TTC12: variants seen among roughly 807,000 people sequenced by gnomAD.
The protein encoded by TTC12 is tetratricopeptide repeat domain 12.
TTC12 carries 70 observed loss-of-function variants against 90.1 expected under a neutral mutation model. The observed-to-expected ratio is 0.78, with a 90% CI of 0.64 to 0.95. TTC12 has a LOEUF of 0.95. TTC12 is among the 40% of genes least tolerant of loss of function. The pLI is 0.00. For missense variants in TTC12, 819 were observed against 846.1 expected (o/e 0.97, Z 0.40); for synonymous variants, 296 against 311.5 (o/e 0.95, Z 0.53).
downstream of TTC12, among the ~76,000 whole-genome samples, chr11:113,366,886 G>A (rs964698988): frequency 1.2e-4 from 19 of 152,164 alleles, no homozygotes; most frequent in African/African-American, 4.1e-4. Flanking sequence ...TCATTCCTGG[G>A]GGTCCCTCTG....
intron 18 of TTC12, among the ~76,000 whole-genome samples, chr11:113,360,747 G>C (rs1461623989): frequency 1.3e-5 from 2 of 152,196 alleles, no homozygotes; most frequent in Non-Finnish European, 2.9e-5. Context: ...AGCCTTTCAA[G>C]GGTTGCAGAC....
intron 12 of TTC12, among the ~76,000 whole-genome samples, chr11:113,343,971 A>G (rs1408770376): frequency 6.6e-6 from 1 of 152,202 alleles, no homozygotes; most frequent in African/African-American, 2.4e-5. Flanking sequence ...TATGGGTGCC[A>G]GTCCCTGTCT....
At chr11:113,373,155 A>G in exon 22 of TTC12, 2 of 984,376 alleles carry the variant, frequency 2.0e-6, no homozygotes, top group Non-Finnish European at 2.4e-6. Context: ...GCAGTTAAGC[A>G]ACTGGTCCAA....
chr11:113,338,741 A>T, intron 8 of TTC12, 33 bp from the exon 9 acceptor site: 6 of 1,575,504 alleles, frequency 3.8e-6, no homozygotes, highest in Non-Finnish European at 4.4e-6. Flanking sequence ...CTTTACCCCA[A>T]CCACTCTTCA....
At chr11:113,331,163 G>C (rs1555142464) in intron 7 of TTC12, among the ~76,000 whole-genome samples, 1 of 152,162 alleles carries the variant, frequency 6.6e-6, no homozygotes, top group Non-Finnish European at 1.5e-5. Flanking sequence ...GATAAAATGT[G>C]TGGCAAATTT....
rs1454115704 is a variant in TTC12 at position 113,359,390 on chromosome 11, T to C, written c.1474T>C (p.Phe492Leu). 16 of 1,612,632 alleles carry C rather than the reference T, an allele frequency of 9.9e-6. No homozygotes were observed. Among genetic ancestry groups the C allele is most frequent in the Non-Finnish European group, 1.4e-5 (16 of 1,178,912 alleles). Reference sequence around the variant, plus strand: ...CAGGTGTGAGGAGGATGTGGACCTGTTCAGAGAGGTTATCTACACACTCCT... The same window carrying C: ...CAGGTGTGAGGAGGATGTGGACCTGCTCAGAGAGGTTATCTACACACTCCT... Reference protein sequence around the residue: ...LARCEEDVDLFREVIYTLLGL... With the variant: ...LARCEEDVDLLREVIYTLLGL... The change falls in exon 17 of 22, where the codon TTC (phenylalanine) becomes CTC (leucine). Residue 492 changes from phenylalanine to leucine, a missense_variant. Transcript: ENST00000529221.
chr11:113,363,743 C>A, intron 19 of TTC12, 85 bp from the exon 20 acceptor site: 2 of 885,668 alleles, frequency 2.3e-6, no homozygotes, highest in Admixed American at 2.1e-5. Flanking sequence ...AAGCCACTAG[C>A]GCTATAATAA....
rs558652683 is a variant in TTC12 at position 113,339,748 on chromosome 11, C to T, written c.826+274C>T. On this transcript the variant is annotated intron_variant, in intron 10 of 21. Transcript: ENST00000529221. ...CACACACTCGATATATACTTACATACACCACACATGCACTCAGCTTTCACT... is the reference window on the plus strand; with the variant it reads ...CACACACTCGATATATACTTACATATACCACACATGCACTCAGCTTTCACT... Among the ~76,000 whole-genome samples the T allele has an allele frequency of 2.6e-5, 4 of 152,270 alleles. No individual in the cohort carries two copies. In the East Asian group the frequency reaches 5.8e-4, roughly 22 times the overall value.
chr11:113,364,143 A>G (rs372691134), intron 20 of TTC12, among the ~76,000 whole-genome samples: 1 of 152,388 alleles, frequency 6.6e-6, no homozygotes, highest in Non-Finnish European at 1.5e-5. Context: ...CTGGAGACCC[A>G]GCTGACAGAT....
intron 21 of TTC12, among the ~76,000 whole-genome samples, 174 bp from the exon 22 acceptor site, chr11:113,366,051 A>T (rs1950187145): frequency 6.6e-6 from 1 of 152,030 alleles, no homozygotes; most frequent in Non-Finnish European, 1.5e-5. Flanking sequence ...TGAGGGTCTT[A>T]CTTACCCCTG....
intron 2 of TTC12, among the ~76,000 whole-genome samples, chr11:113,317,753 G>T (rs1947034600): frequency 6.6e-6 from 1 of 152,094 alleles, no homozygotes; most frequent in African/African-American, 2.4e-5. Flanking sequence ...CATACTCTGT[G>T]TTTCACACTC....
downstream of TTC12, among the ~76,000 whole-genome samples, chr11:113,370,681 G>A (rs1389667851): frequency 6.6e-6 from 1 of 152,224 alleles, no homozygotes; most frequent in Non-Finnish European, 1.5e-5. Flanking sequence ...GGGAGCCTTA[G>A]GGTGCTGGCA....
intron 19 of TTC12, 33 bp from the exon 20 acceptor site, chr11:113,363,795 A>G: frequency 6.7e-7 from 1 of 1,496,690 alleles, no homozygotes; most frequent in Non-Finnish European, 9.3e-7. Context: ...CATAGCACTG[A>G]TTTTATTTTT....
chr11:113,362,917 C>T (rs1251257352), intron 19 of TTC12, among the ~76,000 whole-genome samples: 1 of 152,162 alleles, frequency 6.6e-6, no homozygotes, highest in Non-Finnish European at 1.5e-5. Flanking sequence ...AGACATGTAG[C>T]CTGCAGAATT....
intron 12 of TTC12, among the ~76,000 whole-genome samples, chr11:113,344,014 A>G (rs1202316541): frequency 6.6e-6 from 1 of 152,184 alleles, no homozygotes; most frequent in African/African-American, 2.4e-5. Flanking sequence ...TTTAATCCTC[A>G]TGATGTCCCT....
At chr11:113,323,918 C>T (rs1477907032) in intron 3 of TTC12, 76 bp from the exon 4 acceptor site, 2 of 1,172,076 alleles carry the variant, frequency 1.7e-6, no homozygotes, top group Admixed American at 4.1e-5. Context: ...GATTTGCCTT[C>T]TTGGTTTATA....
At chr11:113,322,121 G>A (rs545921719) in intron 2 of TTC12, among the ~76,000 whole-genome samples, 18 of 152,088 alleles carry the variant, frequency 1.2e-4, no homozygotes, top group African/African-American at 3.6e-4. Flanking sequence ...TATTACTTTC[G>A]GTATGCTTGA....
chr11:113,357,701 A>G (rs1043948898), intron 16 of TTC12, among the ~76,000 whole-genome samples: 15 of 152,336 alleles, frequency 9.8e-5, no homozygotes, highest in African/African-American at 1.4e-4. Context: ...TAGGAGGTCA[A>G]TATTCAGCTC....
At chr11:113,342,586 A>G (rs1948741706) in intron 12 of TTC12, among the ~76,000 whole-genome samples, 1 of 152,224 alleles carries the variant, frequency 6.6e-6, no homozygotes, top group South Asian at 2.1e-4. Context: ...TCCTTTTCAC[A>G]GGGCTACTGT....
Sources: gnomAD v4.1 joint callset for allele counts (sites outside exome capture counted in the v4.1 genomes callset) on GRCh38, gnomAD v4.1.1 for gene constraint, MANE v1.5 for transcripts, NCBI Gene and HGNC (gene_info 2026-07-23, HGNC 2026-07-21) for gene names.